Variants in CEP55 observed in about 807,000 individuals in gnomAD.
The protein encoded by CEP55 is centrosomal protein of 55 kDa.
In CEP55, 57 loss-of-function variants were observed where a neutral mutation model predicts 63.2. That is an observed-to-expected ratio of 0.90 (90% CI 0.73 to 1.13). The LOEUF (loss-of-function observed/expected upper bound fraction) is 1.13. CEP55 is among the 50% of genes most tolerant of loss of function. CEP55 has a pLI of 0.00. For missense variants in CEP55, 456 were observed against 518.9 expected (o/e 0.88, Z 1.18); for synonymous variants, 178 against 191.6 (o/e 0.93, Z 0.59).
intron 4 of CEP55, among the ~76,000 whole-genome samples, chr10:93,509,869 A>T (rs2057726636): frequency 6.6e-6 from 1 of 152,176 alleles, no homozygotes. Context: ...CCAGGGGGAA[A>T]ATTGTAGTTG....
intron 8 of CEP55, among the ~76,000 whole-genome samples, chr10:93,521,694 C>A (rs1018179370): frequency 1.3e-5 from 2 of 152,096 alleles, no homozygotes; most frequent in African/African-American, 4.8e-5. Context: ...GAGGCACCCC[C>A]CAGTAGGGGC....
intron 8 of CEP55, among the ~76,000 whole-genome samples, chr10:93,520,437 A>G (rs988878646): frequency 4.6e-5 from 7 of 151,688 alleles, no homozygotes; most frequent in African/African-American, 9.7e-5. Context: ...AAAAAAAAAA[A>G]AAAAAGAAAA....
At chr10:93,525,795 T>C (rs1318303287) in intron 8 of CEP55, among the ~76,000 whole-genome samples, 2 of 151,848 alleles carry the variant, frequency 1.3e-5, no homozygotes, top group African/African-American at 2.4e-5. Flanking sequence ...CATCTACAAC[T>C]ACCTGATCTT....
At chr10:93,525,079 G>C (rs573603708) in intron 8 of CEP55, among the ~76,000 whole-genome samples, 1 of 151,772 alleles carries the variant, frequency 6.6e-6, no homozygotes, top group South Asian at 2.1e-4. Flanking sequence ...AGTGTTGGAA[G>C]TTCTGGCCAG....
intron 8 of CEP55, among the ~76,000 whole-genome samples, chr10:93,524,685 C>T (rs28750398): frequency 0.69 from 105,266 of 151,966 alleles, 37,499 homozygotes; most frequent in Non-Finnish European, 0.77. Context: ...ATGCAAAAAT[C>T]CTCAATAAAA....
chr10:93,498,152 A>AAG (rs1429779362), intron 1 of CEP55, among the ~76,000 whole-genome samples: 1 of 150,716 alleles, frequency 6.6e-6, no homozygotes, highest in Non-Finnish European at 1.5e-5. Context: ...CAAAAAAAAA[A>AAG]AGAAAGAAAC....
At chr10:93,527,403 T>C (rs2057935242) in intron 8 of CEP55, among the ~76,000 whole-genome samples, 1 of 152,218 alleles carries the variant, frequency 6.6e-6, no homozygotes, top group South Asian at 2.1e-4. Flanking sequence ...TAAAACATAT[T>C]CATATATACA....
chr10:93,503,159 T>C lies in CEP55; in HGVS notation c.230T>C (p.Leu77Pro), dbSNP rs767007321. The C allele has an allele frequency of 6.2e-7, 1 of 1,614,086 alleles. No homozygotes were observed. Among genetic ancestry groups the C allele is most frequent in the Non-Finnish European group, 8.5e-7 (1 of 1,179,986 alleles). The change falls in exon 3 of 9, where the codon CTC becomes CCC. Residue 77 changes from leucine (L) to proline (P), a missense_variant. Physicochemically the swap from Leu to Pro is moderately conservative, Grantham distance 98. Coordinates refer to ENST00000371485, the MANE Select transcript of CEP55 (RefSeq NM_018131.5). ...EAEKEKNAYQ[L>P]TEKDKEIQRL... The stretch of plus-strand genomic sequence containing the variant: ...GAGAAGGAGAAGAATGCTTATCAAC[T>C]CACAGAGAAGGACAAAGAAATACAG...
chr10:93,515,336 A>G (rs2057792556), intron 4 of CEP55, 69 bp from the exon 5 acceptor site: 1 of 1,404,898 alleles, frequency 7.1e-7, no homozygotes, highest in Admixed American at 2.0e-5. Flanking sequence ...CATCACTTGG[A>G]CTCTCTTGCC....
chr10:93,500,375 G>A (rs2057621342), intron 2 of CEP55, 141 bp downstream of exon 2: 1 of 708,786 alleles, frequency 1.4e-6, no homozygotes, highest in South Asian at 2.0e-5. Context: ...ATTGGGTTTA[G>A]AATCTTAAAT....
rs1247347845 is a variant in CEP55 at position 93,500,211 on chromosome 10, A to G, written c.160A>G (p.Lys54Glu). The change falls in exon 2 of 9, where the codon AAA (lysine) becomes GAA (glutamate). Residue 54 changes from lysine to glutamate, a missense_variant. Physicochemically the swap from Lys to Glu is moderately conservative, Grantham distance 56. Transcript: ENST00000371485. ...ITSGKGKLTD[K>E]ERHRLLEKIR... ...AAGTGGGAAAGGAAAGCTGACTGATAAAGAGAGACACAGACTTTTGGAGGT... is the reference window on the plus strand; with the variant it reads ...AAGTGGGAAAGGAAAGCTGACTGATGAAGAGAGACACAGACTTTTGGAGGT... 1 of 1,612,268 alleles carries G rather than the reference A, an allele frequency of 6.2e-7. No individual in the cohort carries two copies. Among genetic ancestry groups the G allele is most frequent in the South Asian group, 1.1e-5 (1 of 90,730 alleles).
At chr10:93,497,415 G>A (rs2057582785) in intron 1 of CEP55, among the ~76,000 whole-genome samples, 1 of 152,062 alleles carries the variant, frequency 6.6e-6, no homozygotes, top group Non-Finnish European at 1.5e-5. Flanking sequence ...ACAGGCGTGC[G>A]CCACCACGCC....
intron 4 of CEP55, among the ~76,000 whole-genome samples, chr10:93,514,795 C>G (rs569682726): frequency 6.6e-6 from 1 of 152,232 alleles, no homozygotes; most frequent in African/African-American, 2.4e-5. Flanking sequence ...TTTTGAGAGA[C>G]GCAGTTTCAC....
At chr10:93,521,919 G>A (rs942481039) in intron 8 of CEP55, among the ~76,000 whole-genome samples, 2 of 152,108 alleles carry the variant, frequency 1.3e-5, no homozygotes, top group Admixed American at 1.3e-4. Context: ...AAACAGAAAG[G>A]ACATCCACAC....
intron 8 of CEP55, among the ~76,000 whole-genome samples, chr10:93,520,981 G>A (rs2057854969): frequency 6.6e-6 from 1 of 152,182 alleles, no homozygotes; most frequent in Non-Finnish European, 1.5e-5. Flanking sequence ...TGTGGGGGCG[G>A]TTCCAAGATG....
At position 93,518,934 on chromosome 10, in the gene CEP55, CT is replaced by C; in HGVS notation, c.1052del (p.Leu351ArgfsTer11). 6.2e-7 allele frequency: 1 copy of C among 1,613,174 alleles called. No homozygotes were observed. The highest frequency in any genetic ancestry group is 1.3e-5 in the African/African-American group (1 of 75,048). On this transcript the variant is annotated frameshift_variant, in exon 7 of 9. Transcript: ENST00000371485. LOFTEE classifies it high-confidence loss of function. Reference protein sequence around the residue: ...KQQEEQTRVALLEQQMQACTL... With the variant: ...KQQEEQTRVAXLEQQMQACTL... Reference sequence around the variant, plus strand: ...GCAAGAAGAACAAACAAGGGTAGCTCTGTTGGAACAACAGGTACTCATTCGG... The same window carrying C: ...GCAAGAAGAACAAACAAGGGTAGCTCGTTGGAACAACAGGTACTCATTCGG...
At chr10:93,527,908 G>T in intron 8 of CEP55, 42 bp from the exon 9 acceptor site, 5 of 1,483,366 alleles carry the variant, frequency 3.4e-6, no homozygotes, top group African/African-American at 2.8e-5. Flanking sequence ...GCTGAACATT[G>T]GCCCTATTTA....
At chr10:93,513,457 T>C (rs1212402897) in intron 4 of CEP55, among the ~76,000 whole-genome samples, 3 of 152,212 alleles carry the variant, frequency 2.0e-5, no homozygotes, top group Non-Finnish European at 4.4e-5. Flanking sequence ...ATGGAAATTC[T>C]TACCGGAAAG....
rs1194231051 is a variant in CEP55 at position 93,496,649 on chromosome 10, C to G, written c.-287C>G. 1.3e-5 allele frequency: 2 copies of G among 152,228 alleles called. No homozygotes were observed. The highest frequency in any genetic ancestry group is 4.8e-5 in the African/African-American group (2 of 41,476). 9.4% of individuals were successfully genotyped at this position (152,228 alleles called of 1,614,324 possible). A position where few individuals can be genotyped will look rare whatever the true frequency, so the allele number is the denominator to read the frequency against. Reference sequence around the variant, plus strand: ...GCGGCATCCACACCTGATGGTGTGACTCGGCCGACGCGAGCGCCGCGCTTC... The same window carrying G: ...GCGGCATCCACACCTGATGGTGTGAGTCGGCCGACGCGAGCGCCGCGCTTC... On this transcript the variant is annotated 5_prime_UTR_variant, in exon 1 of 9. Coordinates refer to ENST00000371485, the MANE Select transcript of CEP55 (RefSeq NM_018131.5).
Sources: allele counts gnomAD v4.1 joint callset (sites outside exome capture counted in the v4.1 genomes callset), GRCh38; gene constraint gnomAD v4.1.1; transcripts MANE v1.5; gene names NCBI Gene and HGNC (gene_info 2026-07-23, HGNC 2026-07-21).